Variants in HUWE1 observed in about 807,000 individuals in gnomAD.
HUWE1 encodes the protein E3 ubiquitin-protein ligase HUWE1.
In HUWE1, 18 loss-of-function variants were observed where a neutral mutation model predicts 299.4. The ratio of observed to expected loss-of-function variants is 0.06; its 90% CI spans 0.04 to 0.09. The LOEUF is 0.09. HUWE1 is among the 10% of genes least tolerant of loss of function. HUWE1 has a pLI of 1.00. For missense variants in HUWE1, 1,832 were observed against 3,462.3 expected (o/e 0.53, Z 11.82); for synonymous variants, 1,317 against 1,286.1 (o/e 1.02, Z -0.51).
rs1557037809 is a variant in HUWE1, at chrX:53,648,548, AAC to A, written c.46-240_46-239del. On this transcript the variant is annotated intron_variant, in intron 4 of 83. Transcript: ENST00000262854. ...TAAAAAACAAAAAAAAACAAAAAAA[AAC>A]AAAAAACAAAACAAAAACCCACCTT... 1.9e-4 allele frequency among the ~76,000 whole-genome samples: 20 copies of A among 103,234 alleles called. 1 individual carries two copies. The highest frequency in any genetic ancestry group is 8.4e-4 in the African/African-American group (20 of 23,784). The allele number at this position is 103,234 out of a possible 115,157, so 89.6% of individuals were successfully genotyped here. A position where few individuals can be genotyped will look rare whatever the true frequency, so the allele number is the denominator to read the frequency against.
At chrX:53,604,867 T>C in intron 25 of HUWE1, 33 bp from the exon 26 acceptor site, 1 of 1,149,465 alleles carries the variant, frequency 8.7e-7, no homozygotes, top group Non-Finnish European at 1.2e-6. Flanking sequence ...AGTGTTAATA[T>C]ACAATGAACT....
At position 53,589,052 on chromosome X, in the gene HUWE1, C is replaced by T. The variant is rs1381568824; in HGVS notation, c.4461+495G>A. Reference sequence around the variant, plus strand: ...TTCTAGAATGAAACATTACATAAAACAAGATTCCAGTAACTTAAATACAAT... The same window carrying T: ...TTCTAGAATGAAACATTACATAAAATAAGATTCCAGTAACTTAAATACAAT... On this transcript the variant is annotated intron_variant, in intron 36 of 83. Coordinates refer to ENST00000262854, the MANE Select transcript of HUWE1 (RefSeq NM_031407.7). 3.6e-5 allele frequency among the ~76,000 whole-genome samples: 4 copies of T among 112,554 alleles called. No individual in the cohort carries two copies. The Admixed American group carries it at 3.8e-4, about 11-fold the overall frequency.
intron 81 of HUWE1, among the ~76,000 whole-genome samples, chrX:53,535,026 T>C (rs2060951760): frequency 9.3e-6 from 1 of 107,894 alleles, no homozygotes; most frequent in South Asian, 4.1e-4. Context: ...AAACTCCACC[T>C]CCCGGGTTCA....
intron 13 of HUWE1, among the ~76,000 whole-genome samples, chrX:53,629,232 C>A (rs782045505): frequency 2.7e-5 from 3 of 111,581 alleles, no homozygotes; most frequent in African/African-American, 6.5e-5. Flanking sequence ...TTTGGGAATA[C>A]CTGCATGCCA....
At chrX:53,543,356 A>G (rs896780441) in intron 73 of HUWE1, among the ~76,000 whole-genome samples, 3 of 110,612 alleles carry the variant, frequency 2.7e-5, no homozygotes, top group Non-Finnish European at 3.8e-5. Context: ...TTCCTCCTAA[A>G]AGTGCCTGAG....
chrX:53,624,453 C>T (rs782151203), intron 19 of HUWE1, 142 bp downstream of exon 19: 81 of 508,153 alleles, frequency 1.6e-4, no homozygotes, highest in Non-Finnish European at 2.5e-4. Context: ...GCCAAGATTG[C>T]GCCACTACAC....
chrX:53,680,894 C>T (rs1410567143), intron 2 of HUWE1, among the ~76,000 whole-genome samples: 2 of 91,773 alleles, frequency 2.2e-5, no homozygotes, highest in Non-Finnish European at 4.3e-5. Context: ...AATTTTATTA[C>T]CTACAAAGCA....
intron 78 of HUWE1, 101 bp downstream of exon 78, chrX:53,537,455 G>T (rs2061117025): frequency 2.3e-6 from 2 of 865,472 alleles, no homozygotes; most frequent in East Asian, 3.3e-5. Context: ...CTATTAGGGA[G>T]GGCAGCACCT....
rs1569509585 is a variant in HUWE1 at position 53,648,535 on chromosome X, A to AAAAC, written c.46-226_46-225insGTTT. 1.1e-3 allele frequency among the ~76,000 whole-genome samples: 109 copies of AAAAC among 97,190 alleles called. 2 individuals carry two copies. The highest frequency in any genetic ancestry group is 2.8e-3 in the South Asian group (7 of 2,521). 84.4% of individuals were successfully genotyped at this position (97,190 alleles called of 115,157 possible). A position where few individuals can be genotyped will look rare whatever the true frequency, so the allele number is the denominator to read the frequency against. The stretch of plus-strand genomic sequence containing the variant: ...ATCCACCTGGGCTTAAAAAACAAAA[A>AAAAC]AAAACAAAAAAAAACAAAAAACAAA... On this transcript the variant is annotated intron_variant, in intron 4 of 83. Transcript: ENST00000262854.
chrX:53,565,274 AC>A (rs1428151856), intron 49 of HUWE1, 35 bp from the exon 50 acceptor site: 1 of 1,109,819 alleles, frequency 9.0e-7, no homozygotes, highest in Non-Finnish European at 1.2e-6. Flanking sequence ...TGGACTGAGC[AC>A]AGAAATACTA....
chrX:53,573,780 G>A lies in HUWE1; in HGVS notation c.6282C>T (p.Tyr2094=), dbSNP rs2062954350. The change falls in exon 47 of 84, where the codon TAC becomes TAT. Residue 2094 remains tyrosine, a synonymous_variant. Transcript: ENST00000262854. ...GIATLIANYS[Y]TVGQSELIKE... ...TGATCAGTTCAGACTGGCCCACAGT[G>A]TAGCTGTAGTTGGCAATCAGGGTAG... is the stretch of plus-strand genomic sequence containing the variant. 8.3e-7 allele frequency: 1 copy of A among 1,208,708 alleles called. No individual in the cohort carries two copies. The highest frequency in any genetic ancestry group is 1.8e-5 in the South Asian group (1 of 56,825).
chrX:53,645,735 A>AT (rs1569508107), intron 6 of HUWE1, among the ~76,000 whole-genome samples: 3 of 26,148 alleles, frequency 1.1e-4, no homozygotes, highest in African/African-American at 4.9e-4. Context: ...AAAAAAAAAA[A>AT]AATATATATA....
At chrX:53,590,833 G>A (rs993445751) in intron 34 of HUWE1, among the ~76,000 whole-genome samples, 167 bp downstream of exon 34, 13 of 112,134 alleles carry the variant, frequency 1.2e-4, no homozygotes, top group South Asian at 7.4e-4. Context: ...GTATTGCTGG[G>A]GGACAGAAAA....
In HUWE1 at chrX:53,554,388, A is replaced by C. The variant is rs1250494874; in HGVS notation, c.8494+245T>G. Among the ~76,000 whole-genome samples, 10 of 110,760 alleles carry C rather than the reference A, an allele frequency of 9.0e-5. No individual in the cohort carries two copies. The Admixed American group carries it at 9.6e-4, about 11-fold the overall frequency. ...TTTTAAATAATAAGCCTGGGGTGATAGCCCAGAAACAGAGTAATTGCCTCA... is the reference window on the plus strand; with the variant it reads ...TTTTAAATAATAAGCCTGGGGTGATCGCCCAGAAACAGAGTAATTGCCTCA... On this transcript the variant is annotated intron_variant, in intron 61 of 83. Transcript: ENST00000262854.
intron 59 of HUWE1, among the ~76,000 whole-genome samples, chrX:53,558,447 C>T (rs782138634): frequency 8.9e-6 from 1 of 111,993 alleles, no homozygotes; most frequent in South Asian, 3.8e-4. Context: ...TCCAGTTTTT[C>T]CCTTGACACT....
intron 8 of HUWE1, among the ~76,000 whole-genome samples, chrX:53,633,386 G>C (rs1343361601): frequency 8.9e-5 from 10 of 112,183 alleles, no homozygotes; most frequent in Non-Finnish European, 1.9e-4. Flanking sequence ...TCCAAACTCT[G>C]AATATACTTC....
At chrX:53,615,368 C>T (rs1341119697) in intron 22 of HUWE1, among the ~76,000 whole-genome samples, 2 of 109,424 alleles carry the variant, frequency 1.8e-5, no homozygotes, top group Non-Finnish European at 3.8e-5. Context: ...GCTGGGACTA[C>T]AGGCACACGC....
At chrX:53,648,356 G>A in intron 4 of HUWE1, 46 bp from the exon 5 acceptor site, 1 of 798,685 alleles carries the variant, frequency 1.3e-6, no homozygotes, top group Non-Finnish European at 1.9e-6. Flanking sequence ...GAATGAGGGA[G>A]TTGCAAATAA....
chrX:53,577,965 G>T (rs1375182344), intron 43 of HUWE1, among the ~76,000 whole-genome samples: 1 of 113,804 alleles, frequency 8.8e-6, no homozygotes, highest in Non-Finnish European at 1.9e-5. Context: ...AGTGAGGAGC[G>T]TCTCTGCCTG....
Sources: gnomAD v4.1 joint callset for allele counts (sites outside exome capture counted in the v4.1 genomes callset) on GRCh38, gnomAD v4.1.1 for gene constraint, MANE v1.5 for transcripts, NCBI Gene and HGNC (gene_info 2026-07-23, HGNC 2026-07-21) for gene names.